HIBADH: variants seen among roughly 807,000 people sequenced by gnomAD.
HIBADH encodes the protein 3-hydroxyisobutyrate dehydrogenase, mitochondrial.
A neutral mutation model predicts 36.1 loss-of-function variants in HIBADH; 25 were observed. The observed-to-expected ratio is 0.69, with a 90% CI of 0.50 to 0.97. The LOEUF (loss-of-function observed/expected upper bound fraction) is 0.97. Ranked by LOEUF, HIBADH falls within the 50% of genes least tolerant of loss-of-function variation. The pLI, the probability that HIBADH is intolerant of heterozygous loss-of-function variation, is 0.00. For missense variants in HIBADH, 421 were observed against 418.0 expected (o/e 1.01, Z -0.06); for synonymous variants, 160 against 149.5 (o/e 1.07, Z -0.51).
intron 4 of HIBADH, among the ~76,000 whole-genome samples, chr7:27,554,293 A>G (rs1347530313): frequency 6.6e-6 from 1 of 152,244 alleles, no homozygotes; most frequent in East Asian, 1.9e-4. Flanking sequence ...GCCAAAAGTC[A>G]TTTTTAAAAG....
At chr7:27,560,564 A>C (rs1188883019) in intron 4 of HIBADH, among the ~76,000 whole-genome samples, 1 of 152,224 alleles carries the variant, frequency 6.6e-6, no homozygotes, top group Non-Finnish European at 1.5e-5. Flanking sequence ...ACCCAAAATA[A>C]ATATATCGTT....
At chr7:27,656,558 A>ACAGT (rs1786309255) in intron 1 of HIBADH, among the ~76,000 whole-genome samples, 1 of 152,206 alleles carries the variant, frequency 6.6e-6, no homozygotes. Context: ...TCTATAGGAT[A>ACAGT]CAGTATAAGA....
At chr7:27,580,427 A>G (rs952974459) in intron 4 of HIBADH, among the ~76,000 whole-genome samples, 7 of 152,244 alleles carry the variant, frequency 4.6e-5, no homozygotes, top group Non-Finnish European at 7.3e-5. Flanking sequence ...AAAAATCCAG[A>G]TAACTAGGAC....
intron 2 of HIBADH, among the ~76,000 whole-genome samples, chr7:27,643,585 T>C (rs149183644): frequency 6.6e-6 from 1 of 152,334 alleles, no homozygotes; most frequent in East Asian, 1.9e-4. Flanking sequence ...CTAAGTGGTA[T>C]AGAAAGATTC....
At chr7:27,571,599 G>A (rs961258230) in intron 4 of HIBADH, among the ~76,000 whole-genome samples, 14 of 152,054 alleles carry the variant, frequency 9.2e-5, no homozygotes, top group Admixed American at 1.3e-4. Context: ...TCTACAGTTC[G>A]TAGAGATTGA....
chr7:27,565,342 T>G (rs1222878281), intron 4 of HIBADH, among the ~76,000 whole-genome samples: 1 of 152,182 alleles, frequency 6.6e-6, no homozygotes, highest in African/African-American at 2.4e-5. Flanking sequence ...TATGGCCTTG[T>G]GTGGTGTGAC....
chr7:27,622,782 A>G (rs1173712091), intron 4 of HIBADH, among the ~76,000 whole-genome samples: 2 of 152,212 alleles, frequency 1.3e-5, no homozygotes, highest in Non-Finnish European at 2.9e-5. Context: ...AAAGAATAAT[A>G]AAACATCTTT....
intron 2 of HIBADH, among the ~76,000 whole-genome samples, chr7:27,645,552 T>G (rs1013565691): frequency 2.6e-5 from 4 of 151,744 alleles, no homozygotes; most frequent in African/African-American, 9.7e-5. Flanking sequence ...CTAATTTTTT[T>G]TGCATTTTTA....
At chr7:27,646,689 ATTTTTTTTTT>A (rs34491908) in intron 2 of HIBADH, among the ~76,000 whole-genome samples, 6 of 74,852 alleles carry the variant, frequency 8.0e-5, no homozygotes, top group East Asian at 4.3e-4. Flanking sequence ...CACGCCCAGC[ATTTTTTTTTT>A]TTTTTTTTTT....
At chr7:27,577,639 TAA>T (rs1297731164) in intron 4 of HIBADH, among the ~76,000 whole-genome samples, 1 of 152,182 alleles carries the variant, frequency 6.6e-6, no homozygotes, top group Non-Finnish European at 1.5e-5. Context: ...GCTCGCAATA[TAA>T]AGAGAAGACT....
At chr7:27,547,476 G>GT (rs1784250394) in intron 4 of HIBADH, among the ~76,000 whole-genome samples, 1 of 152,142 alleles carries the variant, frequency 6.6e-6, no homozygotes, top group South Asian at 2.1e-4. Flanking sequence ...CATGAGGGCA[G>GT]TGATTGTTGG....
chr7:27,545,614 G>A (rs1204316113), intron 4 of HIBADH, among the ~76,000 whole-genome samples: 3 of 152,100 alleles, frequency 2.0e-5, no homozygotes, highest in Admixed American at 1.3e-4. Context: ...ACAATGACAC[G>A]CCATTTTGAT....
intron 4 of HIBADH, among the ~76,000 whole-genome samples, chr7:27,607,799 TG>T (rs1183439533): frequency 2.6e-5 from 4 of 152,168 alleles, no homozygotes; most frequent in African/African-American, 9.7e-5. Flanking sequence ...ATGCCATTAG[TG>T]CATAGAAAAA....
intron 4 of HIBADH, among the ~76,000 whole-genome samples, chr7:27,583,908 TAAC>T (rs1784825073): frequency 6.6e-6 from 1 of 151,962 alleles, no homozygotes. Context: ...TTGGGAAAAA[TAAC>T]AAGCAACAAA....
At chr7:27,612,948 ATATATATATATTATT>A (rs1785347627) in intron 4 of HIBADH, among the ~76,000 whole-genome samples, 2 of 140,230 alleles carry the variant, frequency 1.4e-5, no homozygotes, top group Non-Finnish European at 3.0e-5. Flanking sequence ...CTCCAAAAAA[ATATATATATATTATT>A]TATATATATA....
At chr7:27,638,318 A>AAAAAAAAAAC (rs1785887538) in intron 2 of HIBADH, among the ~76,000 whole-genome samples, 2 of 148,536 alleles carry the variant, frequency 1.3e-5, no homozygotes, top group Non-Finnish European at 3.0e-5. Flanking sequence ...CAAAAAAAAA[A>AAAAAAAAAAC]AAAAAAAAAA....
chr7:27,542,161 T>C (rs1784160450), intron 5 of HIBADH, among the ~76,000 whole-genome samples: 1 of 152,210 alleles, frequency 6.6e-6, no homozygotes, highest in Admixed American at 6.5e-5. Flanking sequence ...TCTTAATGTT[T>C]TTGATATTTC....
At chr7:27,618,494 T>C (rs1292575633) in intron 4 of HIBADH, among the ~76,000 whole-genome samples, 1 of 152,116 alleles carries the variant, frequency 6.6e-6, no homozygotes, top group Admixed American at 6.5e-5. Context: ...ACTATTGCCA[T>C]TGCCCATACC....
At position 27,542,995 on chromosome 7, in the gene HIBADH, A is replaced by G; in HGVS notation, c.590T>C (p.Val197Ala). 2.5e-6 allele frequency: 4 copies of G among 1,613,742 alleles called. No homozygotes were observed. Among genetic ancestry groups the G allele is most frequent in the Non-Finnish European group, 3.4e-6 (4 of 1,179,836 alleles). ...ELLGCMGSNV[V>A]YCGAVGTGQA... Reference sequence around the variant, plus strand: ...CCCAGTCCCAACAGCTCCACAGTACACCACGTTGGAGCCCATGCACCCCAG... The same window carrying G: ...CCCAGTCCCAACAGCTCCACAGTACGCCACGTTGGAGCCCATGCACCCCAG... The change falls in exon 5 of 8, where the codon GTG (valine) becomes GCG (alanine). Residue 197 changes from valine (V) to alanine (A), a missense_variant. By Grantham distance (64) the Val-to-Ala change is moderately conservative (BLOSUM62 0). Transcript: ENST00000265395.
Sources: gnomAD v4.1 joint callset for allele counts (sites outside exome capture counted in the v4.1 genomes callset) on GRCh38, gnomAD v4.1.1 for gene constraint, MANE v1.5 for transcripts, NCBI Gene and HGNC (gene_info 2026-07-23, HGNC 2026-07-21) for gene names.